Variants in FAM13A observed in about 807,000 individuals in gnomAD.
FAM13A encodes family with sequence similarity 13 member A, also known as protein FAM13A.
FAM13A carries 76 observed loss-of-function variants against 129.6 expected under a neutral mutation model. The observed-to-expected ratio is 0.59, with a 90% CI of 0.49 to 0.71. FAM13A has a LOEUF of 0.71. FAM13A is among the 30% of genes least tolerant of loss of function. The pLI is 0.00. For synonymous variants in FAM13A, 443 were observed against 449.9 expected (o/e 0.98, Z 0.20); for missense variants, 1,108 against 1,249.3 (o/e 0.89, Z 1.70).
chr4:89,008,433 G>C (rs1765335967), intron 3 of FAM13A, among the ~76,000 whole-genome samples: 1 of 152,178 alleles, frequency 6.6e-6, no homozygotes, highest in African/African-American at 2.4e-5. Context: ...TGCAAGGAAA[G>C]AAAAGAGCCC....
At chr4:89,012,592 T>C (rs1765877359) in intron 3 of FAM13A, among the ~76,000 whole-genome samples, 1 of 152,224 alleles carries the variant, frequency 6.6e-6, no homozygotes, top group Non-Finnish European at 1.5e-5. Context: ...AAGTGTATAA[T>C]TTGTTATAGA....
In FAM13A at chr4:88,728,559, T is replaced by G. The variant is rs149073720; in HGVS notation, c.3046A>C (p.Arg1016=). Residue 1016 remains arginine, a synonymous_variant, in exon 24 of 24, where the codon AGA becomes CGA. Coordinates refer to ENST00000264344, the MANE Select transcript of FAM13A (RefSeq NM_014883.4). ...LRLLEVLISK[R]DTDSKSM Reference sequence around the variant, plus strand: ...CACATGGACTTGGAATCAGTGTCTCTCTTGCTGATGAGCACCTCCAGGAGC... The same window carrying G: ...CACATGGACTTGGAATCAGTGTCTCGCTTGCTGATGAGCACCTCCAGGAGC... 2 of 1,614,086 alleles carry G rather than the reference T, an allele frequency of 1.2e-6. No homozygotes were observed. The highest frequency in any genetic ancestry group is 4.5e-5 in the East Asian group (2 of 44,894).
At chr4:88,878,156 G>A (rs1386513673) in intron 6 of FAM13A, among the ~76,000 whole-genome samples, 2 of 151,914 alleles carry the variant, frequency 1.3e-5, no homozygotes, top group Non-Finnish European at 2.9e-5. Context: ...CAGGCGTGGT[G>A]GCGGGTGCCT....
chr4:88,878,408 T>C (rs1742977093), intron 6 of FAM13A, among the ~76,000 whole-genome samples: 2 of 151,966 alleles, frequency 1.3e-5, no homozygotes, highest in Non-Finnish European at 2.9e-5. Context: ...ATTAAAGTCA[T>C]TGAGAGCACT....
intron 11 of FAM13A, among the ~76,000 whole-genome samples, chr4:88,768,924 G>C (rs1163100232): frequency 1.3e-5 from 2 of 152,122 alleles, no homozygotes; most frequent in Non-Finnish European, 2.9e-5. Flanking sequence ...CCATTTCCTT[G>C]AAGGGAGATT....
chr4:88,957,361 C>A (rs190245481), intron 4 of FAM13A, among the ~76,000 whole-genome samples: 142 of 152,190 alleles, frequency 9.3e-4, no homozygotes, highest in African/African-American at 3.3e-3. Flanking sequence ...CTCCCTCCCA[C>A]CCCACATCTC....
At chr4:88,991,184 A>G in intron 3 of FAM13A, 34 bp from the exon 4 acceptor site, 1 of 1,537,090 alleles carries the variant, frequency 6.5e-7, no homozygotes, top group Non-Finnish European at 8.9e-7. Context: ...GTTCTAAGGT[A>G]TATTTCACAG....
At chr4:88,745,346 C>T (rs1741099517) in intron 19 of FAM13A, among the ~76,000 whole-genome samples, 1 of 152,168 alleles carries the variant, frequency 6.6e-6, no homozygotes, top group African/African-American at 2.4e-5. Context: ...GTGTCTGACC[C>T]AGTCCAGGCT....
intron 21 of FAM13A, among the ~76,000 whole-genome samples, chr4:88,735,849 T>A (rs1426419191): frequency 6.6e-6 from 1 of 152,148 alleles, no homozygotes; most frequent in Non-Finnish European, 1.5e-5. Context: ...AGCCAAAATA[T>A]ACTTGTGAAA....
chr4:88,913,171 A>T (rs1262448610), intron 5 of FAM13A, among the ~76,000 whole-genome samples: 1 of 136,652 alleles, frequency 7.3e-6, no homozygotes, highest in Non-Finnish European at 1.6e-5. Flanking sequence ...AGGAAGAAGA[A>T]GAGGAAGAAG....
At chr4:88,752,232 G>C (rs550954293) in intron 14 of FAM13A, among the ~76,000 whole-genome samples, 1 of 152,148 alleles carries the variant, frequency 6.6e-6, no homozygotes, top group African/African-American at 2.4e-5. Context: ...GTTTGAGAAC[G>C]ATTGATCCAA....
intron 5 of FAM13A, 146 bp downstream of exon 5, chr4:88,937,942 T>C: frequency 1.6e-6 from 1 of 608,968 alleles, no homozygotes; most frequent in Non-Finnish European, 2.9e-6. Context: ...GCATTTGGAA[T>C]AATAGATTTC....
chr4:88,894,609 C>T (rs1336812290), intron 6 of FAM13A, among the ~76,000 whole-genome samples: 5 of 152,182 alleles, frequency 3.3e-5, no homozygotes, highest in South Asian at 4.1e-4. Flanking sequence ...GCAACCTCAG[C>T]CTCCCAGGTT....
intron 7 of FAM13A, among the ~76,000 whole-genome samples, chr4:88,807,134 A>G (rs922318604): frequency 6.6e-6 from 1 of 152,152 alleles, no homozygotes; most frequent in African/African-American, 2.4e-5. Flanking sequence ...GAAAATTAAC[A>G]TGGTTACTGT....
At chr4:88,933,633 G>A (rs1471212513) in intron 5 of FAM13A, among the ~76,000 whole-genome samples, 1 of 138,526 alleles carries the variant, frequency 7.2e-6, no homozygotes, top group Non-Finnish European at 1.7e-5. Flanking sequence ...ACATTCTTTA[G>A]CCTAACTACA....
chr4:88,977,351 A>C (rs1040443476), intron 4 of FAM13A, among the ~76,000 whole-genome samples: 3 of 152,178 alleles, frequency 2.0e-5, no homozygotes, highest in Non-Finnish European at 4.4e-5. Flanking sequence ...GAAGCCATAG[A>C]AAGTGAAACT....
intron 7 of FAM13A, among the ~76,000 whole-genome samples, chr4:88,808,557 GAATT>G (rs1390882978): frequency 1.6e-4 from 24 of 152,022 alleles, no homozygotes; most frequent in African/African-American, 5.3e-4. Flanking sequence ...ATGAAATTGA[GAATT>G]AATTCTGATT....
Position 88,973,793 on chromosome 4 carries a change from G to C in FAM13A, c.605+17180C>G, listed in dbSNP as rs187686946. 1.2e-4 allele frequency among the ~76,000 whole-genome samples: 18 copies of C among 152,200 alleles called. 1 individual carries two copies. Among genetic ancestry groups the C allele is most frequent in the African/African-American group, 3.4e-4 (14 of 41,526 alleles). On this transcript the variant is annotated intron_variant, in intron 4 of 23. Transcript: ENST00000264344. ...ATGTGATGTCAAGGTACTAGGAGAG[G>C]GGAAGAGTTCTACAGCCCCATGATT...
At chr4:88,919,411 AC>A (rs1750642507) in intron 5 of FAM13A, among the ~76,000 whole-genome samples, 2 of 152,376 alleles carry the variant, frequency 1.3e-5, no homozygotes, top group East Asian at 3.9e-4. Context: ...AGTTACTATG[AC>A]TTTCTTGAAG....
Sources: gnomAD v4.1 joint callset for allele counts (sites outside exome capture counted in the v4.1 genomes callset) on GRCh38, gnomAD v4.1.1 for gene constraint, MANE v1.5 for transcripts, NCBI Gene and HGNC (gene_info 2026-07-23, HGNC 2026-07-21) for gene names.